The following NRXN3 variants were observed in gnomAD, a reference collection of about 807,000 sequenced individuals.
NRXN3 encodes neurexin 3, also known as neurexin III.
Under a neutral mutation model 137.6 loss-of-function variants are expected in NRXN3, and 32 were observed. The ratio of observed to expected loss-of-function variants is 0.23; its 90% confidence interval spans 0.18 to 0.31. The LOEUF (loss-of-function observed/expected upper bound fraction) is 0.31, where lower values mean the gene tolerates loss of function less well. Among genes scored for constraint, NRXN3 ranks in the 10% least tolerant of loss-of-function variants. The pLI is 1.00. For missense variants in NRXN3, 1,574 were observed against 2,062.5 expected (o/e 0.76, Z 4.59); for synonymous variants, 798 against 784.5 (o/e 1.02, Z -0.29).
intron 8 of NRXN3, among the ~76,000 whole-genome samples, chr14:78,728,110 C>T (rs952707545): frequency 6.6e-6 from 1 of 152,176 alleles, no homozygotes; most frequent in Non-Finnish European, 1.5e-5. Flanking sequence ...TGAGATCTGT[C>T]TATTCTAAAG....
At chr14:78,888,559 G>T (rs188486847) in intron 10 of NRXN3, among the ~76,000 whole-genome samples, 152 of 152,080 alleles carry the variant, frequency 1.0e-3, no homozygotes, top group African/African-American at 3.5e-3. Flanking sequence ...TTGAAGGCAT[G>T]GAGAAGTGCC....
intron 3 of NRXN3, among the ~76,000 whole-genome samples, chr14:78,294,592 A>G (rs982071248): frequency 1.3e-5 from 2 of 150,596 alleles, no homozygotes; most frequent in Non-Finnish European, 3.0e-5. Context: ...AAAAGCTCCT[A>G]TGTGTAGGCA....
intron 4 of NRXN3, among the ~76,000 whole-genome samples, chr14:78,422,345 C>T (rs138706848): frequency 2.8e-4 from 43 of 152,320 alleles, no homozygotes; most frequent in Admixed American, 1.2e-3. Context: ...ATGTGTGGCT[C>T]CTCCTCTGAA....
intron 15 of NRXN3, among the ~76,000 whole-genome samples, chr14:79,391,832 T>A (rs1227286974): frequency 6.6e-6 from 1 of 152,232 alleles, no homozygotes; most frequent in Non-Finnish European, 1.5e-5. Flanking sequence ...CAACTGCACA[T>A]GTCATAATTC....
At chr14:78,652,761 A>G (rs987588842) in intron 6 of NRXN3, among the ~76,000 whole-genome samples, 1 of 152,156 alleles carries the variant, frequency 6.6e-6, no homozygotes, top group African/African-American at 2.4e-5. Context: ...CATAATAAGG[A>G]TTTGTTTGTC....
Position 78,973,881 on chromosome 14 carries a change from T to G in NRXN3, c.3142+5535T>G, listed in dbSNP as rs2099453850. On this transcript the variant is annotated intron_variant, in intron 14 of 20. Coordinates refer to ENST00000335750, the MANE Select transcript of NRXN3 (RefSeq NM_001330195.2). ...AAGGTAACGTTCAAAAAATTACTTT[T>G]CATCTAAAAAGATCATTGACTTTGC... Among the ~76,000 whole-genome samples, 3 of 152,192 alleles carry G rather than the reference T, an allele frequency of 2.0e-5. No homozygotes were observed. In the South Asian group the frequency reaches 6.2e-4, roughly 32 times the overall value.
chr14:78,638,814 A>G (rs543780438), intron 4 of NRXN3, among the ~76,000 whole-genome samples: 1 of 152,324 alleles, frequency 6.6e-6, no homozygotes, highest in South Asian at 2.1e-4. Context: ...TTTTAGCTCA[A>G]TATACCTTTC....
chr14:78,428,428 C>G (rs1478493823), intron 4 of NRXN3, among the ~76,000 whole-genome samples: 1 of 152,274 alleles, frequency 6.6e-6, no homozygotes, highest in Non-Finnish European at 1.5e-5. Flanking sequence ...AACCCCAACT[C>G]TATCTCAATT....
intron 20 of NRXN3, among the ~76,000 whole-genome samples, chr14:79,806,963 T>TATATATATATATA (rs59533138): frequency 2.0e-4 from 4 of 19,622 alleles, no homozygotes; most frequent in African/African-American, 6.8e-4. Flanking sequence ...TATATATATA[T>TATATATATATATA]TTTTTTTTTT....
At chr14:78,364,818 A>G (rs72697858) in intron 4 of NRXN3, among the ~76,000 whole-genome samples, 19 of 152,342 alleles carry the variant, frequency 1.2e-4, no homozygotes, top group Non-Finnish European at 2.4e-4. Context: ...TGAGAGCAAC[A>G]ATGAAGTGGC....
chr14:78,254,806 C>T (rs546977685), intron 2 of NRXN3, among the ~76,000 whole-genome samples: 117 of 152,168 alleles, frequency 7.7e-4, no homozygotes, highest in African/African-American at 2.5e-3. Context: ...ATAAAGATTT[C>T]GCTAAAAGGC....
intron 17 of NRXN3, among the ~76,000 whole-genome samples, chr14:79,666,965 G>A (rs2098561318): frequency 6.6e-6 from 1 of 151,936 alleles, no homozygotes; most frequent in Non-Finnish European, 1.5e-5. Context: ...CGAGGTTTAT[G>A]TTCCACTCTG....
At chr14:78,833,310 G>T (rs2098987469) in intron 10 of NRXN3, among the ~76,000 whole-genome samples, 1 of 152,096 alleles carries the variant, frequency 6.6e-6, no homozygotes, top group East Asian at 1.9e-4. Flanking sequence ...CCTTGGTTTT[G>T]TGAGCCCATA....
intron 6 of NRXN3, among the ~76,000 whole-genome samples, chr14:78,657,283 A>T (rs1190909687): frequency 6.6e-6 from 1 of 152,142 alleles, no homozygotes; most frequent in East Asian, 1.9e-4. Flanking sequence ...GCCAAGACTG[A>T]GTTACATGAG....
At chr14:78,252,833 AGAAAGGAGTACCCACTTGCGAGGAGG>A (rs1199785474) in intron 2 of NRXN3, among the ~76,000 whole-genome samples, 1 of 152,242 alleles carries the variant, frequency 6.6e-6, no homozygotes, top group Admixed American at 6.5e-5. Context: ...GCTTTCAAAT[AGAAAGGAGTACCCACTTGCGAGGAGG>A]GATACGCTGG....
intron 15 of NRXN3, among the ~76,000 whole-genome samples, chr14:79,043,387 G>A (rs559890639): frequency 3.6e-4 from 55 of 152,286 alleles, no homozygotes; most frequent in African/African-American, 1.0e-3. Context: ...GGGTGGAGGC[G>A]GATCAGGATC....
At chr14:78,733,548 C>A (rs2098527018) in intron 8 of NRXN3, among the ~76,000 whole-genome samples, 1 of 152,084 alleles carries the variant, frequency 6.6e-6, no homozygotes, top group South Asian at 2.1e-4. Flanking sequence ...TCAGAGGTAA[C>A]AAGGAGACTA....
At chr14:78,484,025 CACAGAGAG>C (rs1489889299) in intron 4 of NRXN3, among the ~76,000 whole-genome samples, 71 of 114,026 alleles carry the variant, frequency 6.2e-4, no homozygotes, top group African/African-American at 2.2e-3. Context: ...CACACACACA[CACAGAGAG>C]AGAGAGAGAG....
intron 4 of NRXN3, among the ~76,000 whole-genome samples, chr14:78,483,678 T>G (rs1216426668): frequency 1.3e-5 from 2 of 152,168 alleles, no homozygotes; most frequent in African/African-American, 4.8e-5. Flanking sequence ...AAAATAAAAT[T>G]TAGGCAGAAT....
Sources: allele counts gnomAD v4.1 joint callset (sites outside exome capture counted in the v4.1 genomes callset), GRCh38; gene constraint gnomAD v4.1.1; transcripts MANE v1.5; gene names NCBI Gene and HGNC (gene_info 2026-07-23, HGNC 2026-07-21).